The following CTNNA3 variants were observed in gnomAD, a reference collection of about 807,000 sequenced individuals.
The protein encoded by CTNNA3 is catenin alpha-3.
Under a neutral mutation model 95.7 loss-of-function variants are expected in CTNNA3, and 76 were observed. That is an observed-to-expected ratio of 0.79 (90% CI 0.66 to 0.96). CTNNA3 has a LOEUF of 0.96. Ranked by LOEUF, CTNNA3 falls within the 40% of genes least tolerant of loss-of-function variation. The pLI is 0.00. For synonymous variants in CTNNA3, 431 were observed against 374.4 expected (o/e 1.15, Z -1.74); for missense variants, 1,191 against 1,089.8 (o/e 1.09, Z -1.31).
At chr10:66,331,671 T>A (rs1434492603) in intron 12 of CTNNA3, among the ~76,000 whole-genome samples, 2 of 152,062 alleles carry the variant, frequency 1.3e-5, no homozygotes, top group African/African-American at 4.8e-5. Context: ...ATCTTCGTTT[T>A]GGTACCAGTA....
chr10:66,004,864 C>A (rs186405920), intron 15 of CTNNA3, among the ~76,000 whole-genome samples: 1 of 152,304 alleles, frequency 6.6e-6, no homozygotes, highest in Non-Finnish European at 1.5e-5. Context: ...GCAATTCTTG[C>A]ATTAGTTTCT....
rs888304564 is a variant in CTNNA3, at chr10:67,530,333, G to C, written c.460-8372C>G. ...GAACTTCCTAGAGACTTGTTGAATG[G>C]CTTTGCCCAAAATGCTGATAAGCAT... On this transcript the variant is annotated intron_variant, in intron 4 of 17. Coordinates refer to ENST00000433211, the MANE Select transcript of CTNNA3 (RefSeq NM_013266.4). Among the ~76,000 whole-genome samples the C allele has an allele frequency of 1.8e-4, 27 of 152,224 alleles. 1 individual carries two copies. Among genetic ancestry groups the C allele is most frequent in the African/African-American group, 6.5e-4 (27 of 41,462 alleles).
intron 13 of CTNNA3, among the ~76,000 whole-genome samples, chr10:66,143,924 A>C (rs35899548): frequency 0.062 from 9,435 of 152,348 alleles, 380 homozygotes; most frequent in Non-Finnish European, 0.096. Flanking sequence ...CTTAATTAAA[A>C]GGATGGCTGC....
intron 5 of CTNNA3, among the ~76,000 whole-genome samples, chr10:67,387,893 A>G (rs1806426068): frequency 6.6e-6 from 1 of 152,190 alleles, no homozygotes; most frequent in Non-Finnish European, 1.5e-5. Flanking sequence ...GGACACCCAC[A>G]CCAAAAACCC....
At chr10:67,740,223 A>C (rs892594957) in intron 1 of CTNNA3, among the ~76,000 whole-genome samples, 8 of 152,186 alleles carry the variant, frequency 5.3e-5, no homozygotes, top group Admixed American at 5.2e-4. Flanking sequence ...AAACCTAGGC[A>C]TTACCATTCA....
intron 13 of CTNNA3, among the ~76,000 whole-genome samples, chr10:66,262,872 T>A (rs1389840994): frequency 6.6e-6 from 1 of 151,946 alleles, no homozygotes; most frequent in Non-Finnish European, 1.5e-5. Context: ...GGCTTTGTAA[T>A]CTACCACATA....
At chr10:65,929,764 T>C (rs575085102) in intron 17 of CTNNA3, among the ~76,000 whole-genome samples, 3 of 152,206 alleles carry the variant, frequency 2.0e-5, no homozygotes, top group African/African-American at 7.2e-5. Context: ...AGACAGGGTT[T>C]CACCATATTG....
intron 7 of CTNNA3, among the ~76,000 whole-genome samples, chr10:67,071,594 T>C (rs1184454920): frequency 3.3e-5 from 5 of 152,152 alleles, no homozygotes; most frequent in Non-Finnish European, 7.3e-5. Context: ...TGAATGTTTT[T>C]ATTGTATTTA....
intron 5 of CTNNA3, among the ~76,000 whole-genome samples, chr10:67,282,002 C>A (rs1216142857): frequency 6.6e-6 from 1 of 152,038 alleles, no homozygotes; most frequent in Non-Finnish European, 1.5e-5. Context: ...AGAGAGTTGC[C>A]AATCATTGTG....
At position 66,877,829 on chromosome 10, in the gene CTNNA3, T is replaced by C. The variant is rs143266846; in HGVS notation, c.1048-102305A>G. Reference sequence around the variant, plus strand: ...TGCAAGAAAATGGATTCTATTTTTGTACCCAGATCTAACCCAGAGACAAGG... The same window carrying C: ...TGCAAGAAAATGGATTCTATTTTTGCACCCAGATCTAACCCAGAGACAAGG... On this transcript the variant is annotated intron_variant, in intron 7 of 17. Transcript: ENST00000433211. Among the ~76,000 whole-genome samples, 28 of 152,280 alleles carry C rather than the reference T, an allele frequency of 1.8e-4. No homozygotes were observed. In the East Asian group the frequency reaches 5.2e-3, roughly 28 times the overall value.
intron 11 of CTNNA3, among the ~76,000 whole-genome samples, chr10:66,452,766 C>T (rs1206831855): frequency 6.6e-6 from 1 of 152,086 alleles, no homozygotes; most frequent in Non-Finnish European, 1.5e-5. Flanking sequence ...CAGGTGGTGC[C>T]ACCCAGACTG....
At chr10:67,417,783 A>T (rs1480351831) in intron 5 of CTNNA3, among the ~76,000 whole-genome samples, 3 of 152,134 alleles carry the variant, frequency 2.0e-5, no homozygotes, top group African/African-American at 7.2e-5. Flanking sequence ...AATATGTTAA[A>T]TTTTTTATAT....
intron 7 of CTNNA3, among the ~76,000 whole-genome samples, chr10:66,931,906 A>G (rs886890631): frequency 7.2e-5 from 11 of 152,200 alleles, no homozygotes; most frequent in Non-Finnish European, 1.5e-4. Context: ...TAAAGGGGTT[A>G]ATATTTTTCA....
At chr10:67,674,199 G>C (rs989850637) in intron 1 of CTNNA3, among the ~76,000 whole-genome samples, 4 of 152,046 alleles carry the variant, frequency 2.6e-5, no homozygotes, top group Non-Finnish European at 5.9e-5. Flanking sequence ...GAGGCTGTTA[G>C]GATGGGCCCT....
At chr10:66,694,690 C>T (rs762785376) in intron 9 of CTNNA3, among the ~76,000 whole-genome samples, 46 of 152,142 alleles carry the variant, frequency 3.0e-4, no homozygotes, top group Middle Eastern at 3.4e-3. Context: ...ATTAGGTGCT[C>T]GCAGGCCATA....
chr10:66,600,580 T>C (rs1027580624), intron 10 of CTNNA3, among the ~76,000 whole-genome samples: 14 of 151,878 alleles, frequency 9.2e-5, no homozygotes, highest in Non-Finnish European at 1.5e-4. Context: ...GTTAAATGAT[T>C]TGGCAAGAAC....
chr10:66,940,489 A>G (rs1286460943), intron 7 of CTNNA3, among the ~76,000 whole-genome samples: 1 of 152,202 alleles, frequency 6.6e-6, no homozygotes, highest in African/African-American at 2.4e-5. Flanking sequence ...AAATATATGT[A>G]TATTTTGCAT....
intron 11 of CTNNA3, among the ~76,000 whole-genome samples, chr10:66,507,406 A>G (rs1325162058): frequency 2.0e-5 from 3 of 152,182 alleles, no homozygotes; most frequent in Admixed American, 6.6e-5. Flanking sequence ...TAAATTATTA[A>G]CTATATTCAC....
At chr10:66,040,423 A>G (rs2133490590) in intron 15 of CTNNA3, among the ~76,000 whole-genome samples, 1 of 152,144 alleles carries the variant, frequency 6.6e-6, no homozygotes, top group South Asian at 2.1e-4. Context: ...AGATAGATGC[A>G]CGTGTATGTT....
Sources: gnomAD v4.1 joint callset for allele counts (sites outside exome capture counted in the v4.1 genomes callset) on GRCh38, gnomAD v4.1.1 for gene constraint, MANE v1.5 for transcripts, NCBI Gene and HGNC (gene_info 2026-07-23, HGNC 2026-07-21) for gene names.